The following PARP12 variants were observed in gnomAD, a reference collection of about 807,000 sequenced individuals.
PARP12 encodes poly(ADP-ribose) polymerase family member 12.
PARP12 carries 59 observed loss-of-function variants against 72.4 expected under a neutral mutation model. That is an observed-to-expected ratio of 0.81 (90% CI 0.66 to 1.01). The LOEUF (loss-of-function observed/expected upper bound fraction) is 1.01. Ranked by LOEUF, PARP12 falls within the 50% of genes least tolerant of loss-of-function variation. The pLI is 0.00. For synonymous variants in PARP12, 403 were observed against 371.4 expected (o/e 1.09, Z -0.98); for missense variants, 851 against 914.0 (o/e 0.93, Z 0.89).
chr7:140,050,037 GAAT>G (rs1239581355), intron 4 of PARP12, among the ~76,000 whole-genome samples: 3 of 151,290 alleles, frequency 2.0e-5, no homozygotes, highest in African/African-American at 7.3e-5. Context: ...AGGCCAGAGA[GAAT>G]AATAAATCCA....
At chr7:140,026,127 T>A in intron 11 of PARP12, 70 bp downstream of exon 11, 2 of 1,610,834 alleles carry the variant, frequency 1.2e-6, no homozygotes, top group Non-Finnish European at 1.7e-6. Flanking sequence ...CCTCATGCCC[T>A]CTAGCAGTCT....
intron 8 of PARP12, 170 bp from the exon 9 acceptor site, chr7:140,028,858 G>C (rs983463917): frequency 1.3e-5 from 7 of 528,482 alleles, no homozygotes; most frequent in South Asian, 8.0e-5. Context: ...CAACATGAGA[G>C]CACTTTTATC....
chr7:140,050,330 G>A (rs1816911540), intron 4 of PARP12, among the ~76,000 whole-genome samples: 1 of 152,186 alleles, frequency 6.6e-6, no homozygotes, highest in South Asian at 2.1e-4. Flanking sequence ...TTGTGTGAAG[G>A]AAGCTTGCTG....
chr7:140,061,929 G>C (rs959560292), intron 1 of PARP12, among the ~76,000 whole-genome samples: 1 of 149,044 alleles, frequency 6.7e-6, no homozygotes, highest in Non-Finnish European at 1.5e-5. Context: ...GAGCAAGAAG[G>C]GCATTCCAGG....
intron 4 of PARP12, among the ~76,000 whole-genome samples, chr7:140,053,945 C>T (rs1217918867): frequency 6.6e-6 from 1 of 152,238 alleles, no homozygotes; most frequent in Non-Finnish European, 1.5e-5. Context: ...CTTCATGCTT[C>T]ACTCTGTATT....
chr7:140,059,402 C>CTCTT (rs562927727), intron 1 of PARP12, among the ~76,000 whole-genome samples: 24,109 of 147,194 alleles, frequency 0.16, 2,124 homozygotes, highest in Middle Eastern at 0.22. Context: ...CTGAACCTAG[C>CTCTT]TTTTTTTTTT....
rs1384413478 is a variant in PARP12 at position 140,057,724 on chromosome 7, A to AAAGCTGG, written c.462+168_462+174dup. The AAAGCTGG allele has an allele frequency of 6.9e-6, 6 of 867,528 alleles. No individual in the cohort carries two copies. In the African/African-American group the frequency reaches 1.0e-4, roughly 15 times the overall value. 53.7% of individuals were successfully genotyped at this position (867,528 alleles called of 1,614,324 possible). A position where few individuals can be genotyped will look rare whatever the true frequency, so the allele number is the denominator to read the frequency against. On this transcript the variant is annotated intron_variant, in intron 2 of 11. Transcript: ENST00000263549. ...ATGTTTGTGGAACTGGGTTGTTGGCAAAGCTGGCCCTTGAACTTCACTGCT... is the reference window on the plus strand; with the variant it reads ...ATGTTTGTGGAACTGGGTTGTTGGCAAAGCTGGAAGCTGGCCCTTGAACTTCACTGCT...
chr7:140,048,401 C>G (rs1816823435), intron 4 of PARP12, among the ~76,000 whole-genome samples: 1 of 152,092 alleles, frequency 6.6e-6, no homozygotes, highest in African/African-American at 2.4e-5. Context: ...CCTCTCCCTA[C>G]CTGTCAACAG....
chr7:140,026,494 C>T, intron 10 of PARP12, 146 bp from the exon 11 acceptor site: 2 of 971,990 alleles, frequency 2.1e-6, no homozygotes, highest in Non-Finnish European at 2.7e-6. Flanking sequence ...CTGACTAGGC[C>T]TGTAAGCTCC....
chr7:140,057,269 A>T (rs1817226153), intron 2 of PARP12, 116 bp from the exon 3 acceptor site: 1 of 961,692 alleles, frequency 1.0e-6, no homozygotes, highest in Admixed American at 2.3e-5. Flanking sequence ...TCCATCATCC[A>T]CACAGAACAC....
intron 8 of PARP12, among the ~76,000 whole-genome samples, chr7:140,029,762 A>G (rs80060186): frequency 0.05 from 7,683 of 152,336 alleles, 400 homozygotes; most frequent in African/African-American, 0.13. Flanking sequence ...TTTAATAATA[A>G]AAGTGTAGTG....
intron 8 of PARP12, among the ~76,000 whole-genome samples, chr7:140,029,638 T>C (rs184134571): frequency 7.8e-4 from 119 of 151,904 alleles, no homozygotes; most frequent in Non-Finnish European, 1.4e-3. Flanking sequence ...CTTCCTATGT[T>C]TAAAGGAAAA....
chr7:140,044,876 A>G (rs1475308936), intron 5 of PARP12, among the ~76,000 whole-genome samples: 1 of 152,234 alleles, frequency 6.6e-6, no homozygotes, highest in Non-Finnish European at 1.5e-5. Flanking sequence ...AGAAAATGAT[A>G]AACAAGGAGA....
At chr7:140,041,378 A>G (rs891138680) in intron 6 of PARP12, 6 of 343,736 alleles carry the variant, frequency 1.7e-5, no homozygotes, top group Admixed American at 8.9e-5. Flanking sequence ...AATAAAACCA[A>G]TGAAGAAACT....
chr7:140,036,013 G>A (rs1467419328), intron 7 of PARP12, among the ~76,000 whole-genome samples: 1 of 55,772 alleles, frequency 1.8e-5, no homozygotes, highest in Non-Finnish European at 3.1e-5. Flanking sequence ...AGGAGGAGAA[G>A]GAGGAGAAGG....
intron 8 of PARP12, among the ~76,000 whole-genome samples, chr7:140,029,884 C>T (rs1347336410): frequency 6.6e-6 from 1 of 152,002 alleles, no homozygotes; most frequent in Non-Finnish European, 1.5e-5. Flanking sequence ...ATGGAAAATG[C>T]AGGAAAGAAG....
At chr7:140,031,701 G>C (rs1815944013) in intron 8 of PARP12, among the ~76,000 whole-genome samples, 1 of 152,160 alleles carries the variant, frequency 6.6e-6, no homozygotes. Flanking sequence ...TGGACATTTG[G>C]CATCTTCTTG....
At chr7:140,040,190 C>T (rs1037581902) in intron 6 of PARP12, among the ~76,000 whole-genome samples, 37 of 152,182 alleles carry the variant, frequency 2.4e-4, no homozygotes, top group Non-Finnish European at 3.7e-4. Flanking sequence ...CCGGGATTCC[C>T]GGAGCATGAT....
At chr7:140,051,149 T>C (rs1038293050) in intron 4 of PARP12, among the ~76,000 whole-genome samples, 9 of 152,328 alleles carry the variant, frequency 5.9e-5, no homozygotes, top group Admixed American at 4.6e-4. Context: ...TGCCCAATTC[T>C]GTGTTAATAT....
Sources: allele counts gnomAD v4.1 joint callset (sites outside exome capture counted in the v4.1 genomes callset), GRCh38; gene constraint gnomAD v4.1.1; transcripts MANE v1.5; gene names NCBI Gene and HGNC (gene_info 2026-07-23, HGNC 2026-07-21).